Variants in CLYBL observed in about 807,000 individuals in gnomAD.
The protein encoded by CLYBL is citramalyl-CoA lyase, mitochondrial.
In CLYBL, 31 loss-of-function variants were observed where a neutral mutation model predicts 38.9. The observed-to-expected ratio is 0.80, with a 90% CI of 0.60 to 1.08. The LOEUF is 1.08. Ranked by LOEUF, CLYBL falls within the 50% of genes least tolerant of loss-of-function variation. CLYBL has a pLI of 0.00. For missense variants in CLYBL, 434 were observed against 411.6 expected, an observed-to-expected ratio of 1.05 and a Z score of -0.47; for synonymous variants, 171 against 158.6, an observed-to-expected ratio of 1.08 and a Z score of -0.59.
chr13:99,788,657 T>G (rs2049850852), intron 2 of CLYBL, among the ~76,000 whole-genome samples: 1 of 152,148 alleles, frequency 6.6e-6, no homozygotes, highest in African/African-American at 2.4e-5. Context: ...TGGTCTAAAG[T>G]TCTATTTTTG....
rs370804961 is a variant in CLYBL, at chr13:99,880,067, TA to T, written c.927+9006del. ...GTGTGTATGTATATATATATATATA[TA>T]TTTTTTTTTTTTTTTTTGAGACAGA... On this transcript the variant is annotated intron_variant, in intron 7 of 8. Coordinates refer to ENST00000339105, the MANE Select transcript of CLYBL (RefSeq NM_206808.5). 5.6e-3 allele frequency among the ~76,000 whole-genome samples: 333 copies of T among 59,992 alleles called. 3 individuals are homozygous for T. The highest frequency in any genetic ancestry group is 0.01 in the South Asian group (23 of 2,232). 39.4% of individuals were successfully genotyped at this position (59,992 alleles called of 152,430 possible).
At chr13:99,712,403 C>T (rs972219813) in intron 1 of CLYBL, among the ~76,000 whole-genome samples, 1 of 146,968 alleles carries the variant, frequency 6.8e-6, no homozygotes. Context: ...GGCGTGATCT[C>T]GGTTCACTGT....
chr13:99,685,315 A>G (rs2047800838), intron 1 of CLYBL, among the ~76,000 whole-genome samples: 1 of 152,240 alleles, frequency 6.6e-6, no homozygotes, highest in Non-Finnish European at 1.5e-5. Context: ...TGTGTATTCC[A>G]GAAGTGAAGG....
intron 1 of CLYBL, among the ~76,000 whole-genome samples, chr13:99,628,626 G>C (rs1194137940): frequency 6.6e-6 from 1 of 152,218 alleles, no homozygotes; most frequent in Admixed American, 6.5e-5. Flanking sequence ...ACACTGGAAG[G>C]TGTCATTTAT....
chr13:99,785,112 C>G (rs780146411), intron 2 of CLYBL, among the ~76,000 whole-genome samples: 9 of 143,360 alleles, frequency 6.3e-5, no homozygotes, highest in Non-Finnish European at 1.4e-4. Context: ...AGGCTCATCT[C>G]AAACTCCTGA....
intron 2 of CLYBL, among the ~76,000 whole-genome samples, chr13:99,817,782 T>A (rs2050490115): frequency 6.6e-6 from 1 of 151,842 alleles, no homozygotes; most frequent in South Asian, 2.1e-4. Flanking sequence ...GCAGGAGGAT[T>A]GCTTGAACCC....
At chr13:99,876,513 T>C (rs1017922679) in intron 7 of CLYBL, among the ~76,000 whole-genome samples, 13 of 151,934 alleles carry the variant, frequency 8.6e-5, no homozygotes, top group Non-Finnish European at 1.3e-4. Context: ...TATAACACAC[T>C]CTTAAGGATA....
chr13:99,695,701 G>T (rs2047969205), intron 1 of CLYBL, among the ~76,000 whole-genome samples: 1 of 152,052 alleles, frequency 6.6e-6, no homozygotes, highest in African/African-American at 2.4e-5. Flanking sequence ...TGTATTTTTA[G>T]TAGAGAGAGA....
chr13:99,806,341 G>T (rs78131551), intron 2 of CLYBL, among the ~76,000 whole-genome samples: 4,478 of 152,210 alleles, frequency 0.029, 88 homozygotes, highest in South Asian at 0.045. Context: ...ATATATATAA[G>T]TATACTTAAT....
intron 1 of CLYBL, among the ~76,000 whole-genome samples, chr13:99,769,993 A>G (rs890457732): frequency 6.6e-6 from 1 of 151,954 alleles, no homozygotes. Flanking sequence ...GCTGACATAT[A>G]TATTTTTTAA....
chr13:99,846,374 C>T (rs2051207150), intron 2 of CLYBL, among the ~76,000 whole-genome samples: 2 of 147,500 alleles, frequency 1.4e-5, no homozygotes, highest in African/African-American at 2.5e-5. Context: ...TCACTGCAAG[C>T]TCCGCCTGTG....
At chr13:99,711,649 G>A (rs2048235218) in intron 1 of CLYBL, among the ~76,000 whole-genome samples, 1 of 151,176 alleles carries the variant, frequency 6.6e-6, no homozygotes, top group Non-Finnish European at 1.5e-5. Flanking sequence ...CAGGTGATCT[G>A]CCCACCTCAG....
At chr13:99,634,840 G>A (rs2046996567) in intron 1 of CLYBL, among the ~76,000 whole-genome samples, 1 of 152,190 alleles carries the variant, frequency 6.6e-6, no homozygotes, top group South Asian at 2.1e-4. Flanking sequence ...AGGACACTGT[G>A]TCACGTGACA....
At chr13:99,736,684 T>C (rs1185755834) in intron 1 of CLYBL, among the ~76,000 whole-genome samples, 1 of 152,192 alleles carries the variant, frequency 6.6e-6, no homozygotes, top group Non-Finnish European at 1.5e-5. Flanking sequence ...CATCTTTGAC[T>C]CTGGAGTTTG....
At chr13:99,843,602 A>AT (rs1196539167) in intron 2 of CLYBL, among the ~76,000 whole-genome samples, 2 of 73,612 alleles carry the variant, frequency 2.7e-5, no homozygotes, top group Admixed American at 1.5e-4. Flanking sequence ...GGAAAAATTA[A>AT]TCTTTTTTTT....
At chr13:99,871,172 AGGG>A in intron 7 of CLYBL, 110 bp downstream of exon 7, 1 of 1,239,358 alleles carries the variant, frequency 8.1e-7, no homozygotes, top group South Asian at 1.3e-5. Flanking sequence ...GTATCTGGAG[AGGG>A]GGGAAAGGGA....
chr13:99,685,625 A>G (rs947827818), intron 1 of CLYBL, among the ~76,000 whole-genome samples: 1 of 152,098 alleles, frequency 6.6e-6, no homozygotes, highest in African/African-American at 2.4e-5. Flanking sequence ...TTCCCAGTGG[A>G]TAAGAGGATG....
At position 99,785,191 on chromosome 13, in the gene CLYBL, CTTTTTTTTTTTTTTTT is replaced by C. The variant is rs58550861; in HGVS notation, c.249+12200_249+12215del. 7.9e-4 allele frequency among the ~76,000 whole-genome samples: 27 copies of C among 34,206 alleles called. 1 individual carries two copies. The East Asian group carries it at 0.012, about 15-fold the overall frequency. The allele number at this position is 34,206 out of a possible 152,430, so 22.4% of individuals were successfully genotyped here. On this transcript the variant is annotated intron_variant, in intron 2 of 8. Coordinates refer to ENST00000339105, the MANE Select transcript of CLYBL (RefSeq NM_206808.5). The stretch of plus-strand genomic sequence containing the variant: ...TACAGACTTGAGCCACCCCGCCTGG[CTTTTTTTTTTTTTTTT>C]TTTTTTTTTTTTTTTTTTAAAGACA...
intron 2 of CLYBL, among the ~76,000 whole-genome samples, chr13:99,814,860 A>G (rs1356137804): frequency 6.6e-6 from 1 of 152,098 alleles, no homozygotes; most frequent in African/African-American, 2.4e-5. Flanking sequence ...GTGAGACCTC[A>G]TCTCTACAAA....
Sources: gnomAD v4.1 joint callset for allele counts (sites outside exome capture counted in the v4.1 genomes callset) on GRCh38, gnomAD v4.1.1 for gene constraint, MANE v1.5 for transcripts, NCBI Gene and HGNC (gene_info 2026-07-23, HGNC 2026-07-21) for gene names.